Variants in PAPPA observed in about 807,000 individuals in gnomAD.
PAPPA encodes the protein pappalysin-1.
Under a neutral mutation model 164.0 loss-of-function variants are expected in PAPPA, and 60 were observed. The observed-to-expected ratio is 0.37, with a 90% confidence interval of 0.30 to 0.45. The LOEUF is 0.45. Ranked by LOEUF, PAPPA falls within the 20% of genes least tolerant of loss-of-function variation. The pLI is 1.00. For missense variants in PAPPA, 1,782 were observed against 2,087.3 expected (o/e 0.85, Z 2.85); for synonymous variants, 875 against 814.1 (o/e 1.07, Z -1.27).
At chr9:116,183,526 A>G (rs1843932073) in intron 1 of PAPPA, among the ~76,000 whole-genome samples, 1 of 152,152 alleles carries the variant, frequency 6.6e-6, no homozygotes, top group South Asian at 2.1e-4. Flanking sequence ...TGGTACAACG[A>G]TGCTTCCCTT....
At chr9:116,343,741 T>TTTTACTTA in intron 13 of PAPPA, among the ~76,000 whole-genome samples, 1 of 142,230 alleles carries the variant, frequency 7.0e-6, no homozygotes, top group East Asian at 2.0e-4. Context: ...TACCACTTAT[T>TTTTACTTA]TTTATTTATT....
At chr9:116,249,802 G>A (rs541873360) in intron 7 of PAPPA, among the ~76,000 whole-genome samples, 1 of 152,248 alleles carries the variant, frequency 6.6e-6, no homozygotes, top group East Asian at 1.9e-4. Flanking sequence ...AGCTATAGAG[G>A]CATATTTGGG....
intron 19 of PAPPA, among the ~76,000 whole-genome samples, chr9:116,370,933 G>T (rs1279666136): frequency 6.6e-6 from 1 of 152,100 alleles, no homozygotes; most frequent in Non-Finnish European, 1.5e-5. Flanking sequence ...GATGACCCAG[G>T]TTCTAGTGTA....
intron 1 of PAPPA, among the ~76,000 whole-genome samples, chr9:116,175,562 G>A (rs1468621662): frequency 1.3e-5 from 2 of 152,126 alleles, no homozygotes; most frequent in African/African-American, 4.8e-5. Context: ...AGAAAAGCTT[G>A]TTTGAAACCA....
At chr9:116,251,564 C>T (rs937680379) in intron 7 of PAPPA, among the ~76,000 whole-genome samples, 4 of 152,222 alleles carry the variant, frequency 2.6e-5, no homozygotes, top group African/African-American at 4.8e-5. Context: ...TGGGGCCCTC[C>T]GTTGGACTCC....
intron 9 of PAPPA, among the ~76,000 whole-genome samples, chr9:116,294,029 A>C (rs1367482120): frequency 6.6e-6 from 1 of 152,230 alleles, no homozygotes; most frequent in Non-Finnish European, 1.5e-5. Flanking sequence ...TAGATTCATA[A>C]GCTGCTTTGT....
At chr9:116,266,408 A>T (rs1255957720) in intron 8 of PAPPA, among the ~76,000 whole-genome samples, 1 of 152,258 alleles carries the variant, frequency 6.6e-6, no homozygotes, top group African/African-American at 2.4e-5. Context: ...TGAAAACTGC[A>T]TATTTATTTG....
chr9:116,290,050 C>T (rs1359653124), intron 9 of PAPPA, among the ~76,000 whole-genome samples: 1 of 152,142 alleles, frequency 6.6e-6, no homozygotes, highest in African/African-American at 2.4e-5. Context: ...GAAAACAACA[C>T]AGCTTATAGT....
chr9:116,326,407 T>C (rs1845921064), intron 10 of PAPPA, among the ~76,000 whole-genome samples: 1 of 152,292 alleles, frequency 6.6e-6, no homozygotes, highest in South Asian at 2.1e-4. Flanking sequence ...AAGCTGCTTA[T>C]AGGGTCCTGC....
chr9:116,208,109 C>G (rs1406166066), intron 3 of PAPPA, among the ~76,000 whole-genome samples: 1 of 152,210 alleles, frequency 6.6e-6, no homozygotes, highest in Non-Finnish European at 1.5e-5. Flanking sequence ...CCAACACCAA[C>G]AGGAACTCTT....
intron 21 of PAPPA, among the ~76,000 whole-genome samples, chr9:116,390,291 A>T (rs1235892374): frequency 6.6e-6 from 1 of 152,114 alleles, no homozygotes; most frequent in Admixed American, 6.5e-5. Flanking sequence ...GAAGGACCAG[A>T]GATAGGGGTG....
At chr9:116,373,516 A>G (rs1170720766) in intron 19 of PAPPA, 1 of 152,072 alleles carries the variant, frequency 6.6e-6, no homozygotes, top group Non-Finnish European at 1.5e-5. Flanking sequence ...TTATCTTAGA[A>G]GACATCCAGG....
chr9:116,260,503 G>C (rs1844988524), intron 7 of PAPPA, among the ~76,000 whole-genome samples: 1 of 152,036 alleles, frequency 6.6e-6, no homozygotes, highest in Admixed American at 6.6e-5. Context: ...TGGAATACTT[G>C]GACTCTTCCT....
intron 10 of PAPPA, among the ~76,000 whole-genome samples, chr9:116,329,497 T>C (rs1285230716): frequency 6.6e-6 from 1 of 152,120 alleles, no homozygotes; most frequent in Non-Finnish European, 1.5e-5. Context: ...ACACCACAAA[T>C]AAGATTGAGG....
rs547388429 is a variant in PAPPA at position 116,275,835 on chromosome 9, C to T, written c.2953+4419C>T. On this transcript the variant is annotated intron_variant, in intron 9 of 21. Transcript: ENST00000328252. ...AGATTTATGGTGACATTCCCATTCA[C>T]TTTTCAGAAGCCCACACATCCGGAA... 2.0e-5 allele frequency among the ~76,000 whole-genome samples: 3 copies of T among 152,236 alleles called. No homozygotes were observed. The South Asian group carries it at 6.2e-4, about 32-fold the overall frequency.
rs928362518 is a variant in PAPPA, at chr9:116,402,147, CATG to C, written c.*5534_*5536del. ...AAATACTCAGACATATTTTGCTGTT[CATG>C]ATATTTTTATCCTGTTCTCATGGAT... On this transcript the variant is annotated 3_prime_UTR_variant, in exon 22 of 22. Transcript: ENST00000328252. 6 of 152,370 alleles carry C rather than the reference CATG, an allele frequency of 3.9e-5. No homozygotes were observed. Among genetic ancestry groups the C allele is most frequent in the African/African-American group, 1.2e-4 (5 of 41,384 alleles). 9.4% of individuals were successfully genotyped at this position (152,370 alleles called of 1,614,324 possible).
chr9:116,272,742 C>T (rs927680198), intron 9 of PAPPA, among the ~76,000 whole-genome samples: 4 of 152,030 alleles, frequency 2.6e-5, no homozygotes, highest in African/African-American at 4.8e-5. Context: ...GAATATGGTC[C>T]GGTCCCTAGT....
rs568491381 is a variant in PAPPA, at chr9:116,348,681, G to T, written c.3964+1472G>T. Among the ~76,000 whole-genome samples, 11 of 152,132 alleles carry T rather than the reference G, an allele frequency of 7.2e-5. No individual in the cohort carries two copies. The East Asian group carries it at 2.1e-3, about 29-fold the overall frequency. On this transcript the variant is annotated intron_variant, in intron 15 of 21. Transcript: ENST00000328252. ...CCTCTTCCCTGTGATAGGCCCCAGT[G>T]TTAGTTGTTCTCCTCTATGTGTCCA...
Position 116,313,031 on chromosome 9 carries a change from G to A in PAPPA, c.3147+10081G>A, listed in dbSNP as rs149674495. On this transcript the variant is annotated intron_variant, in intron 10 of 21. Coordinates refer to ENST00000328252, the MANE Select transcript of PAPPA (RefSeq NM_002581.5). ...CCGGGAGGCAGAGCTTGCAGTGAGC[G>A]GAGATTGGGCCACTGCACACCAGCC... Among the ~76,000 whole-genome samples, 1,189 of 149,722 alleles carry A rather than the reference G, an allele frequency of 7.9e-3. 12 individuals carry two copies. The highest frequency in any genetic ancestry group is 0.023 in the South Asian group (109 of 4,640).
Sources: gnomAD v4.1 joint callset for allele counts (sites outside exome capture counted in the v4.1 genomes callset) on GRCh38, gnomAD v4.1.1 for gene constraint, MANE v1.5 for transcripts, NCBI Gene and HGNC (gene_info 2026-07-23, HGNC 2026-07-21) for gene names.